Variants in CACNB4 observed in about 807,000 individuals in gnomAD.
CACNB4 encodes the protein voltage-dependent L-type calcium channel subunit beta-4.
Under a neutral mutation model 71.2 loss-of-function variants are expected in CACNB4, and 32 were observed. The ratio of observed to expected loss-of-function variants is 0.45; its 90% CI spans 0.34 to 0.60. The LOEUF is 0.60. Ranked by LOEUF, CACNB4 falls within the 20% of genes least tolerant of loss-of-function variation. The pLI is 0.01. For missense variants in CACNB4, 464 were observed against 647.9 expected (o/e 0.72, Z 3.08); for synonymous variants, 231 against 236.9 (o/e 0.97, Z 0.23).
chr2:151,953,450 C>T (rs2099867441), intron 2 of CACNB4, among the ~76,000 whole-genome samples: 1 of 152,202 alleles, frequency 6.6e-6, no homozygotes, highest in Non-Finnish European at 1.5e-5. Context: ...CACTTGGGTT[C>T]AAATCCTGGC....
At chr2:151,971,870 T>C in intron 2 of CACNB4, 1 of 455,916 alleles carries the variant, frequency 2.2e-6, no homozygotes, top group Non-Finnish European at 4.1e-6. Context: ...CTCCTCATGT[T>C]TCCCACCTTC....
At chr2:152,069,503 C>CTTTTTTT (rs34430081) in intron 2 of CACNB4, among the ~76,000 whole-genome samples, 8 of 128,918 alleles carry the variant, frequency 6.2e-5, no homozygotes, top group Non-Finnish European at 1.2e-4. Context: ...AAGAACACGC[C>CTTTTTTT]TTTTTTTTTT....
intron 2 of CACNB4, among the ~76,000 whole-genome samples, chr2:152,071,321 AT>A (rs1348669351): frequency 1.3e-5 from 2 of 152,210 alleles, no homozygotes; most frequent in African/African-American, 2.4e-5. Context: ...TGTAAGTAGA[AT>A]TTTTAAAACC....
chr2:152,000,357 C>A (rs1368939829), intron 2 of CACNB4, among the ~76,000 whole-genome samples: 2 of 152,194 alleles, frequency 1.3e-5, no homozygotes, highest in Non-Finnish European at 2.9e-5. Flanking sequence ...TGGCCTTACA[C>A]AAGTAACTAA....
rs182456044 is a variant in CACNB4, at chr2:151,904,130, C to A, written c.148-20760G>T. The stretch of plus-strand genomic sequence containing the variant: ...CTCCAATTTTTCAAAACCACCGCTG[C>A]AAAAGCAGATTGAATTTTGTGTTTC... On this transcript the variant is annotated intron_variant, in intron 2 of 13. Transcript: ENST00000539935. Among the ~76,000 whole-genome samples the A allele has an allele frequency of 3.9e-5, 6 of 152,338 alleles. No homozygotes were observed. In the East Asian group the frequency reaches 1.2e-3, roughly 29 times the overall value.
intron 2 of CACNB4, among the ~76,000 whole-genome samples, chr2:151,904,079 C>T (rs768946840): frequency 8.5e-5 from 13 of 152,178 alleles, no homozygotes; most frequent in Non-Finnish European, 1.8e-4. Context: ...CTCAGAGTTG[C>T]GTTCAATAGA....
At chr2:152,030,388 T>C (rs1684220562) in intron 2 of CACNB4, among the ~76,000 whole-genome samples, 1 of 152,368 alleles carries the variant, frequency 6.6e-6, no homozygotes, top group Admixed American at 6.5e-5. Flanking sequence ...AGATCATCAT[T>C]AATTTTTACA....
chr2:151,928,662 G>A lies in CACNB4; in HGVS notation c.148-45292C>T, dbSNP rs189974405. On this transcript the variant is annotated intron_variant, in intron 2 of 13. Transcript: ENST00000539935. The stretch of plus-strand genomic sequence containing the variant: ...AAAAAGGCTGGGTGCAGTGACTCAT[G>A]CTTGTAATTCTAGCACTCTGAGAGG... Among the ~76,000 whole-genome samples the A allele has an allele frequency of 1.0e-3, 152 of 152,296 alleles. 2 individuals carry two copies. The highest frequency in any genetic ancestry group is 1.2e-3 in the Non-Finnish European group (85 of 68,024).
At chr2:151,932,025 A>G (rs1364299115) in intron 2 of CACNB4, among the ~76,000 whole-genome samples, 1 of 152,222 alleles carries the variant, frequency 6.6e-6, no homozygotes, top group Admixed American at 6.5e-5. Context: ...TTGAGCATGA[A>G]GAAACATACA....
At chr2:151,973,932 A>T (rs1398524230) in intron 2 of CACNB4, 20 of 1,318,224 alleles carry the variant, frequency 1.5e-5, no homozygotes, top group Non-Finnish European at 1.9e-5. Flanking sequence ...CCTTCCCAAT[A>T]CAGAGCACAA....
chr2:151,922,994 C>T (rs1353303840), intron 2 of CACNB4, among the ~76,000 whole-genome samples: 2 of 152,222 alleles, frequency 1.3e-5, no homozygotes, highest in Non-Finnish European at 2.9e-5. Flanking sequence ...ACTGTGCTCA[C>T]TCCCTGCCCA....
At chr2:152,069,369 G>A (rs745839481) in intron 2 of CACNB4, among the ~76,000 whole-genome samples, 1 of 152,114 alleles carries the variant, frequency 6.6e-6, no homozygotes, top group Non-Finnish European at 1.5e-5. Flanking sequence ...GTATTTTTAT[G>A]TGGGTCAAGA....
intron 8 of CACNB4, 200 bp downstream of exon 8, chr2:151,870,331 T>C: frequency 1.4e-6 from 1 of 704,162 alleles, no homozygotes; most frequent in Non-Finnish European, 2.6e-6. Context: ...ATGTAATACA[T>C]AAAAGATGAG....
chr2:151,921,138 AAAATAAAT>A lies in CACNB4; in HGVS notation c.148-37776_148-37769del, dbSNP rs70974809. Among the ~76,000 whole-genome samples the A allele has an allele frequency of 3.2e-3, 438 of 137,608 alleles. 5 individuals carry two copies. Among genetic ancestry groups the A allele is most frequent in the South Asian group, 0.011 (47 of 4,184 alleles). 90.3% of individuals were successfully genotyped at this position (137,608 alleles called of 152,430 possible). A position where few individuals can be genotyped will look rare whatever the true frequency, so the allele number is the denominator to read the frequency against. ...AGCAACAGAGCAAGACTCCGTCTCA[AAAATAAAT>A]AAATAAATAAATAAATAAATAAATA... On this transcript the variant is annotated intron_variant, in intron 2 of 13. Transcript: ENST00000539935.
intron 2 of CACNB4, among the ~76,000 whole-genome samples, chr2:151,989,932 T>A (rs1288452167): frequency 6.6e-6 from 1 of 152,210 alleles, no homozygotes; most frequent in African/African-American, 2.4e-5. Context: ...TCTGTTGGTA[T>A]TCCCCCTAAC....
chr2:151,867,836 CTTTCTGCCCAA>C (rs2099843565), intron 9 of CACNB4: 1 of 152,212 alleles, frequency 6.6e-6, no homozygotes, highest in Admixed American at 6.5e-5. Context: ...AGGGAACAAA[CTTTCTGCCCAA>C]TTCTCCCCTC....
intron 2 of CACNB4, among the ~76,000 whole-genome samples, chr2:151,929,603 C>T (rs1007891634): frequency 6.6e-6 from 1 of 152,124 alleles, no homozygotes; most frequent in South Asian, 2.1e-4. Context: ...GAAGGGGCAA[C>T]AATTACCATT....
chr2:151,870,662 T>C (rs947367855), intron 7 of CACNB4, 51 bp from the exon 8 acceptor site: 3 of 1,418,182 alleles, frequency 2.1e-6, no homozygotes, highest in Non-Finnish European at 3.0e-6. Context: ...AGCATGCCTC[T>C]CCACAGCCAC....
intron 2 of CACNB4, chr2:151,971,895 T>C: frequency 2.4e-6 from 1 of 408,480 alleles, no homozygotes; most frequent in Non-Finnish European, 4.6e-6. Flanking sequence ...CCTCCACAGA[T>C]GTGCACAGCC....
Sources: gnomAD v4.1 joint callset for allele counts (sites outside exome capture counted in the v4.1 genomes callset) on GRCh38, gnomAD v4.1.1 for gene constraint, MANE v1.5 for transcripts, NCBI Gene and HGNC (gene_info 2026-07-23, HGNC 2026-07-21) for gene names.